The following L3MBTL4 variants were observed in gnomAD, a reference collection of about 807,000 sequenced individuals.
The protein encoded by L3MBTL4 is lethal(3)malignant brain tumor-like protein 4.
In L3MBTL4, 70 loss-of-function variants were observed where a neutral mutation model predicts 84.5. The observed-to-expected ratio is 0.83, with a 90% confidence interval of 0.68 to 1.01. L3MBTL4 has a LOEUF of 1.01. L3MBTL4 is among the 50% of genes least tolerant of loss of function. The pLI is 0.00. For synonymous variants in L3MBTL4, 274 were observed against 259.8 expected (o/e 1.05, Z -0.52); for missense variants, 715 against 754.8 (o/e 0.95, Z 0.62).
chr18:6,162,324 T>A (rs2043381735), intron 13 of L3MBTL4, among the ~76,000 whole-genome samples: 1 of 152,044 alleles, frequency 6.6e-6, no homozygotes, highest in Non-Finnish European at 1.5e-5. Context: ...ATTTGACCAA[T>A]AAAGTTATCA....
chr18:6,269,806 G>A (rs1447976439), intron 4 of L3MBTL4, among the ~76,000 whole-genome samples: 2 of 152,306 alleles, frequency 1.3e-5, no homozygotes, highest in East Asian at 3.9e-4. Context: ...AATGAGATTC[G>A]TGAAGCAAGA....
rs967989124 is a variant in L3MBTL4, at chr18:6,366,571, C to T, written c.-91+48230G>A. 9.2e-5 allele frequency among the ~76,000 whole-genome samples: 14 copies of T among 152,278 alleles called. 1 individual carries two copies. Among genetic ancestry groups the T allele is most frequent in the Middle Eastern group, 3.4e-3 (1 of 294 alleles). On this transcript the variant is annotated intron_variant, in intron 1 of 18. Coordinates refer to ENST00000317931, the MANE Select transcript of L3MBTL4 (RefSeq NM_001330559.2). ...ATAGGGACTAGAGATCTGTGAATAT[C>T]TATACAAGGAATTGATATTCATGAA...
At chr18:6,045,298 AAAG>A (rs1277100845) in intron 16 of L3MBTL4, among the ~76,000 whole-genome samples, 1 of 152,238 alleles carries the variant, frequency 6.6e-6, no homozygotes, top group African/African-American at 2.4e-5. Flanking sequence ...CTTCAAAGGC[AAAG>A]AAGAAATAAA....
intron 5 of L3MBTL4, among the ~76,000 whole-genome samples, chr18:6,251,646 A>G (rs1243422570): frequency 1.3e-5 from 2 of 152,218 alleles, no homozygotes; most frequent in African/African-American, 2.4e-5. Flanking sequence ...AAGCATCACC[A>G]TCCCCCTTGC....
At position 6,345,097 on chromosome 18, in the gene L3MBTL4, C is replaced by T. The variant is rs566916318; in HGVS notation, c.-90-33041G>A. On this transcript the variant is annotated intron_variant, in intron 1 of 18. Transcript: ENST00000317931. ...TATATAGAAAACCATAGGCCAGGCA[C>T]GGTAGCTCATGCATGTAATCCTAGC... 7.3e-5 allele frequency among the ~76,000 whole-genome samples: 11 copies of T among 151,360 alleles called. No individual in the cohort carries two copies. In the South Asian group the frequency reaches 1.3e-3, roughly 17 times the overall value.
rs142586332 is a variant in L3MBTL4 at position 6,310,067 on chromosome 18, C to G, written c.72+1487G>C. On this transcript the variant is annotated intron_variant, in intron 3 of 18. Coordinates refer to ENST00000317931, the MANE Select transcript of L3MBTL4 (RefSeq NM_001330559.2). The stretch of plus-strand genomic sequence containing the variant: ...AGGGCCCAGGAATCTGCATTTCTAA[C>G]AAACCTCCAGGTGATGCTGATGCTG... Among the ~76,000 whole-genome samples, 133 of 152,266 alleles carry G rather than the reference C, an allele frequency of 8.7e-4. 3 individuals are homozygous for G. In the East Asian group the frequency reaches 0.025, roughly 29 times the overall value.
At chr18:6,241,259 A>G (rs1323941539) in intron 8 of L3MBTL4, 99 bp downstream of exon 8, 3 of 733,960 alleles carry the variant, frequency 4.1e-6, no homozygotes, top group East Asian at 2.7e-5. Flanking sequence ...CAGTTTCCAT[A>G]ACTTCTTAAA....
intron 16 of L3MBTL4, among the ~76,000 whole-genome samples, chr18:5,982,587 G>A (rs868235787): frequency 3.9e-5 from 6 of 152,154 alleles, no homozygotes; most frequent in Admixed American, 6.5e-5. Flanking sequence ...AAAATGCCCC[G>A]TACAGAGTCA....
intron 14 of L3MBTL4, among the ~76,000 whole-genome samples, chr18:6,118,946 A>G (rs1237294188): frequency 1.4e-5 from 2 of 144,944 alleles, no homozygotes; most frequent in African/African-American, 2.6e-5. Context: ...ACATATTTCA[A>G]TTTTACCAGA....
intron 11 of L3MBTL4, among the ~76,000 whole-genome samples, chr18:6,213,560 G>A (rs1317248611): frequency 5.9e-5 from 9 of 152,026 alleles, no homozygotes; most frequent in Non-Finnish European, 7.4e-5. Context: ...TTACAGGCAT[G>A]CACCACCATG....
At position 6,047,013 on chromosome 18, in the gene L3MBTL4, A is replaced by G. The variant is rs147596487; in HGVS notation, c.1444+33868T>C. Reference sequence around the variant, plus strand: ...AGATTGATAGACAGCTAGCTAAATTAACAAAGAAACAGAAAATCCAAATAA... The same window carrying G: ...AGATTGATAGACAGCTAGCTAAATTGACAAAGAAACAGAAAATCCAAATAA... On this transcript the variant is annotated intron_variant, in intron 16 of 18. Transcript: ENST00000317931. 1.6e-4 allele frequency among the ~76,000 whole-genome samples: 25 copies of G among 152,272 alleles called. No individual in the cohort carries two copies. The East Asian group carries it at 4.6e-3, about 28-fold the overall frequency.
At chr18:6,330,129 A>G (rs1169425007) in intron 1 of L3MBTL4, among the ~76,000 whole-genome samples, 4 of 152,244 alleles carry the variant, frequency 2.6e-5, no homozygotes, top group Non-Finnish European at 4.4e-5. Context: ...ACAATCTACT[A>G]TACTTATTTT....
intron 16 of L3MBTL4, 132 bp downstream of exon 16, chr18:6,080,749 G>A (rs746814983): frequency 6.6e-5 from 41 of 621,928 alleles, no homozygotes; most frequent in Non-Finnish European, 9.6e-5. Flanking sequence ...TAGAACACAA[G>A]TCTCTTTTGA....
At chr18:6,196,623 A>G (rs1442194250) in intron 12 of L3MBTL4, among the ~76,000 whole-genome samples, 1 of 152,224 alleles carries the variant, frequency 6.6e-6, no homozygotes, top group Non-Finnish European at 1.5e-5. Flanking sequence ...TCTATCCAAA[A>G]GAAAATGTCC....
In L3MBTL4 at chr18:6,006,832, T is replaced by C. The variant is rs77373140; in HGVS notation, c.1445-37270A>G. Among the ~76,000 whole-genome samples, 200 of 152,324 alleles carry C rather than the reference T, an allele frequency of 1.3e-3. 1 individual carries two copies. Among genetic ancestry groups the C allele is most frequent in the Non-Finnish European group, 2.2e-3 (151 of 68,026 alleles). On this transcript the variant is annotated intron_variant, in intron 16 of 18. Coordinates refer to ENST00000317931, the MANE Select transcript of L3MBTL4 (RefSeq NM_001330559.2). ...AAATTTAGTACATGCTAAGGAGGCA[T>C]CTCAAGTTAGTAAGGAAATGATGTA... is the stretch of plus-strand genomic sequence containing the variant.
At chr18:6,192,479 G>A (rs917126294) in intron 12 of L3MBTL4, among the ~76,000 whole-genome samples, 9 of 152,150 alleles carry the variant, frequency 5.9e-5, no homozygotes, top group Non-Finnish European at 8.8e-5. Context: ...CAGGTGCAGC[G>A]GGTGGTGCTG....
intron 1 of L3MBTL4, among the ~76,000 whole-genome samples, chr18:6,381,063 AT>A (rs2054576428): frequency 2.0e-5 from 3 of 152,132 alleles, no homozygotes; most frequent in Non-Finnish European, 4.4e-5. Context: ...TCCCTTTACC[AT>A]TATGTAATGG....
chr18:5,964,874 T>C (rs2052264756), intron 17 of L3MBTL4, among the ~76,000 whole-genome samples: 1 of 152,228 alleles, frequency 6.6e-6, no homozygotes, highest in Non-Finnish European at 1.5e-5. Context: ...TATTCATTCA[T>C]GAACTCATCT....
chr18:6,271,041 C>A (rs1020673974), intron 4 of L3MBTL4, among the ~76,000 whole-genome samples: 4 of 152,118 alleles, frequency 2.6e-5, no homozygotes, highest in Admixed American at 2.0e-4. Flanking sequence ...GTTACAGAGC[C>A]CGCGGGGCAT....
Sources: gnomAD v4.1 joint callset for allele counts (sites outside exome capture counted in the v4.1 genomes callset) on GRCh38, gnomAD v4.1.1 for gene constraint, MANE v1.5 for transcripts, NCBI Gene and HGNC (gene_info 2026-07-23, HGNC 2026-07-21) for gene names.